SPEF2: variants seen among roughly 807,000 people sequenced by gnomAD.
The protein encoded by SPEF2 is sperm flagella and cilia-associated protein 2.
A neutral mutation model predicts 224.6 loss-of-function variants in SPEF2; 187 were observed. The ratio of observed to expected loss-of-function variants is 0.83; its 90% confidence interval spans 0.74 to 0.94. The LOEUF is 0.94. SPEF2 is among the 40% of genes least tolerant of loss of function. The pLI, the probability that SPEF2 is intolerant of heterozygous loss-of-function variation, is 0.00. For synonymous variants in SPEF2, 715 were observed against 707.3 expected (o/e 1.01, Z -0.17); for missense variants, 2,170 against 2,135.6 (o/e 1.02, Z -0.32).
chr5:35,767,255 T>C (rs1752207765), intron 26 of SPEF2, among the ~76,000 whole-genome samples: 1 of 152,036 alleles, frequency 6.6e-6, no homozygotes. Flanking sequence ...TCTGGTGGAA[T>C]GAACCTTTTC....
At chr5:35,682,270 A>G (rs1158775594) in intron 10 of SPEF2, among the ~76,000 whole-genome samples, 1 of 152,176 alleles carries the variant, frequency 6.6e-6, no homozygotes, top group Non-Finnish European at 1.5e-5. Flanking sequence ...TCAGTTTGTT[A>G]GAAGCTTCTG....
At chr5:35,622,927 G>A (rs113153413) in intron 1 of SPEF2, among the ~76,000 whole-genome samples, 1,848 of 152,286 alleles carry the variant, frequency 0.012, 33 homozygotes, top group African/African-American at 0.043. Flanking sequence ...TCTCAATTAT[G>A]ATAAAGCCTT....
In SPEF2 at chr5:35,694,291, C is replaced by T; in HGVS notation, c.1903C>T (p.Pro635Ser). Reference sequence around the variant, plus strand: ...TATGTGTGTTTTCTCTCCAAAGGATCCACAACATGTATTTTCAGCTGGTCC... The same window carrying T: ...TATGTGTGTTTTCTCTCCAAAGGATTCACAACATGTATTTTCAGCTGGTCC... ...LQEEIKESQD[P>S]QHVFSAGPVS... Residue 635 changes from proline to serine, a missense_variant, in exon 13 of 37, where the codon CCA becomes TCA. By Grantham distance (74) the Pro-to-Ser change is moderately conservative. Coordinates refer to ENST00000356031, the MANE Select transcript of SPEF2 (RefSeq NM_024867.4). 1.9e-6 allele frequency: 3 copies of T among 1,613,072 alleles called. No individual in the cohort carries two copies. The highest frequency in any genetic ancestry group is 2.5e-6 in the Non-Finnish European group (3 of 1,179,430).
chr5:35,722,326 C>A (rs1743839551), intron 20 of SPEF2, among the ~76,000 whole-genome samples: 1 of 151,908 alleles, frequency 6.6e-6, no homozygotes, highest in Non-Finnish European at 1.5e-5. Flanking sequence ...GGAGCTGATG[C>A]TCACCCATCT....
intron 20 of SPEF2, among the ~76,000 whole-genome samples, chr5:35,718,037 G>A (rs1742928668): frequency 6.6e-6 from 1 of 152,152 alleles, no homozygotes; most frequent in Non-Finnish European, 1.5e-5. Context: ...GAAGGCAAGA[G>A]CAGACAAATG....
intron 20 of SPEF2, among the ~76,000 whole-genome samples, chr5:35,725,310 A>G (rs563875596): frequency 7.4e-4 from 113 of 152,350 alleles, no homozygotes; most frequent in African/African-American, 2.5e-3. Context: ...AGGCAATAAG[A>G]AAGCTATCAC....
In SPEF2 at chr5:35,705,740, A is replaced by T. The variant is rs1294390359; in HGVS notation, c.2597A>T (p.Asp866Val). The change falls in exon 18 of 37, where the codon GAT (aspartate) becomes GTT (valine). Residue 866 changes from aspartate to valine, a missense_variant. Asp to Val is a radical substitution (Grantham distance 152). Transcript: ENST00000356031. ...TTGATAAAAATCAATGCTGAAATAGATAAGGAATCTTTATGTGAAAAAGTA... is the reference window on the plus strand; with the variant it reads ...TTGATAAAAATCAATGCTGAAATAGTTAAGGAATCTTTATGTGAAAAAGTA... Reference protein sequence around the residue: ...NILIKINAEIDKESLCEKVKE... With the variant: ...NILIKINAEIVKESLCEKVKE... The T allele has an allele frequency of 3.8e-6, 6 of 1,572,362 alleles. No individual in the cohort carries two copies. The highest frequency in any genetic ancestry group is 1.2e-5 in the South Asian group (1 of 85,398).
At chr5:35,806,670 C>T in intron 34 of SPEF2, 37 bp from the exon 35 acceptor site, 2 of 1,577,406 alleles carry the variant, frequency 1.3e-6, no homozygotes, top group East Asian at 2.2e-5. Context: ...GAAAAAACTT[C>T]AGTTTAACTT....
At chr5:35,767,953 C>T (rs1752304675) in intron 26 of SPEF2, among the ~76,000 whole-genome samples, 1 of 151,822 alleles carries the variant, frequency 6.6e-6, no homozygotes, top group South Asian at 2.1e-4. Flanking sequence ...GAAGTCCTAG[C>T]CATCTGTAAT....
chr5:35,804,714 T>G (rs1171422210), intron 34 of SPEF2, among the ~76,000 whole-genome samples: 2 of 143,798 alleles, frequency 1.4e-5, no homozygotes, highest in East Asian at 3.9e-4. Flanking sequence ...CCTCTTAAAT[T>G]TTAAAAAAAA....
In SPEF2 at chr5:35,670,223, A is replaced by G. The variant is rs767726443; in HGVS notation, c.1520A>G (p.Tyr507Cys). The G allele has an allele frequency of 2.5e-6, 4 of 1,603,348 alleles. No individual in the cohort carries two copies. The highest frequency in any genetic ancestry group is 1.7e-5 in the Admixed American group (1 of 58,008). Residue 507 changes from tyrosine to cysteine, a missense_variant, in exon 10 of 37, where the codon TAT becomes TGT. Tyr to Cys is a radical substitution (Grantham distance 194). Coordinates refer to ENST00000356031, the MANE Select transcript of SPEF2 (RefSeq NM_024867.4). ...CTAGATACCAATGATTATGAAGAAT[A>G]TAAGGTACCTACTGATATGAAATAA... ...DLLDTNDYEE[Y>C]KNMVGEWALP... is the part of the protein sequence containing the mutation.
chr5:35,646,479 GC>G, intron 4 of SPEF2, 187 bp from the exon 5 acceptor site: 1 of 463,676 alleles, frequency 2.2e-6, no homozygotes, highest in Non-Finnish European at 3.8e-6. Flanking sequence ...TTAATATCAT[GC>G]TTTTCACAGT....
chr5:35,648,248 G>GT (rs869080909), intron 5 of SPEF2, among the ~76,000 whole-genome samples: 30 of 149,518 alleles, frequency 2.0e-4, no homozygotes, highest in Non-Finnish European at 3.0e-5. Flanking sequence ...CTTTTTTTTT[G>GT]TTTTTTAAAT....
At chr5:35,646,525 A>T in intron 4 of SPEF2, 142 bp from the exon 5 acceptor site, 2 of 657,148 alleles carry the variant, frequency 3.0e-6, no homozygotes, top group Non-Finnish European at 5.0e-6. Flanking sequence ...AATATTACAC[A>T]GTTGTGACAC....
intron 8 of SPEF2, among the ~76,000 whole-genome samples, chr5:35,659,559 A>G (rs1339635552): frequency 1.3e-5 from 2 of 152,158 alleles, no homozygotes; most frequent in East Asian, 1.9e-4. Flanking sequence ...CTGAGTTCTT[A>G]TAACAGTGTG....
rs1326021118 is a variant in SPEF2, at chr5:35,793,295, T to C, written c.4691T>C (p.Val1564Ala). ...LLETLQKFKA[V>A]DKEQLGTITF... Reference sequence around the variant, plus strand: ...GAGACCCTTCAGAAGTTCAAGGCTGTGGATAAGGAGCAGTTGGGCACCATC... The same window carrying C: ...GAGACCCTTCAGAAGTTCAAGGCTGCGGATAAGGAGCAGTTGGGCACCATC... Residue 1564 changes from valine to alanine, a missense_variant, in exon 32 of 37, where the codon GTG becomes GCG. Transcript: ENST00000356031. 1 of 1,614,140 alleles carries C rather than the reference T, an allele frequency of 6.2e-7. No homozygotes were observed. The highest frequency in any genetic ancestry group is 8.5e-7 in the Non-Finnish European group (1 of 1,180,016).
At chr5:35,653,267 C>G (rs1748452435) in intron 6 of SPEF2, among the ~76,000 whole-genome samples, 1 of 152,184 alleles carries the variant, frequency 6.6e-6, no homozygotes, top group Non-Finnish European at 1.5e-5. Flanking sequence ...AGTCTTCTCA[C>G]TTGAATCTCT....
chr5:35,796,954 G>A (rs987468281), intron 33 of SPEF2, among the ~76,000 whole-genome samples: 24 of 152,112 alleles, frequency 1.6e-4, no homozygotes, highest in Non-Finnish European at 7.4e-5. Context: ...GTGAAACTGG[G>A]GGACTGAAAA....
At chr5:35,667,984 G>T (rs189671641) in intron 9 of SPEF2, among the ~76,000 whole-genome samples, 6 of 152,054 alleles carry the variant, frequency 3.9e-5, no homozygotes, top group African/African-American at 7.2e-5. Context: ...CTATAAGAAT[G>T]GTTAAAATTT....
Sources: allele counts gnomAD v4.1 joint callset (sites outside exome capture counted in the v4.1 genomes callset), GRCh38; gene constraint gnomAD v4.1.1; transcripts MANE v1.5; gene names NCBI Gene and HGNC (gene_info 2026-07-23, HGNC 2026-07-21).